CHIC1: variants seen among roughly 807,000 people sequenced by gnomAD.
The protein encoded by CHIC1 is cysteine-rich hydrophobic domain-containing protein 1.
A neutral mutation model predicts 18.5 loss-of-function variants in CHIC1; 7 were observed. The observed-to-expected ratio is 0.38, with a 90% CI of 0.22 to 0.71. The LOEUF is 0.71. CHIC1 is among the 30% of genes least tolerant of loss of function. CHIC1 has a pLI of 0.49. For synonymous variants in CHIC1, 77 were observed against 73.5 expected, an observed-to-expected ratio of 1.05 and a Z score of -0.25; for missense variants, 159 against 176.9, an observed-to-expected ratio of 0.90 and a Z score of 0.57.
At chrX:73,630,408 G>A (rs921372005) in intron 3 of CHIC1, among the ~76,000 whole-genome samples, 1 of 110,864 alleles carries the variant, frequency 9.0e-6, no homozygotes, top group African/African-American at 3.3e-5. Context: ...ATTATATTGA[G>A]TATATTTTTA....
chrX:73,655,524 GTGTATATATATATACATATATA>G (rs1569504770), intron 3 of CHIC1, among the ~76,000 whole-genome samples: 3 of 74,683 alleles, frequency 4.0e-5, no homozygotes, highest in Non-Finnish European at 7.3e-5. Context: ...ACACAATATT[GTGTATATATATATACATATATA>G]TACAATATTG....
intron 3 of CHIC1, among the ~76,000 whole-genome samples, chrX:73,658,267 T>TG (rs1339918504): frequency 7.8e-5 from 7 of 90,066 alleles, no homozygotes; most frequent in Non-Finnish European, 1.3e-4. Flanking sequence ...TTTTTTTTTT[T>TG]TTTTTTTTTT....
At chrX:73,614,769 A>G (rs937325701) in intron 3 of CHIC1, among the ~76,000 whole-genome samples, 24 of 110,473 alleles carry the variant, frequency 2.2e-4, no homozygotes, top group Non-Finnish European at 4.2e-4. Context: ...CGGATACCCA[A>G]TTGTTTTTCT....
intron 3 of CHIC1, among the ~76,000 whole-genome samples, chrX:73,647,247 G>A: frequency 8.9e-6 from 1 of 112,109 alleles, no homozygotes; most frequent in Non-Finnish European, 1.9e-5. Flanking sequence ...GAGCCATGCA[G>A]ATTCTCAACA....
intron 3 of CHIC1, among the ~76,000 whole-genome samples, chrX:73,674,956 A>C (rs1163713651): frequency 1.8e-5 from 2 of 111,843 alleles, no homozygotes; most frequent in East Asian, 5.6e-4. Context: ...CTTGGTTTCA[A>C]AGAACATCTT....
intron 3 of CHIC1, among the ~76,000 whole-genome samples, chrX:73,614,838 C>G (rs1050311934): frequency 1.8e-5 from 2 of 110,043 alleles, no homozygotes; most frequent in Non-Finnish European, 3.8e-5. Context: ...TTTTATATCA[C>G]TGTTTTAAAT....
At chrX:73,612,350 G>T (rs2057713204) in intron 3 of CHIC1, among the ~76,000 whole-genome samples, 1 of 110,948 alleles carries the variant, frequency 9.0e-6, no homozygotes, top group South Asian at 3.8e-4. Context: ...TTAATTTTGT[G>T]TTTGGTTTAT....
rs1361802431 is a variant in CHIC1 at position 73,664,525 on chromosome X, A to T, written c.508-14801A>T. Among the ~76,000 whole-genome samples the T allele has an allele frequency of 2.7e-5, 3 of 111,049 alleles. No homozygotes were observed. In the Admixed American group the frequency reaches 2.9e-4, roughly 11 times the overall value. ...GCTGGCAGTTGATGTTAGCATTTTC[A>T]TAAGCCAGTTGCAACAATAAGATAC... On this transcript the variant is annotated intron_variant, in intron 3 of 5. Coordinates refer to ENST00000373502, the MANE Select transcript of CHIC1 (RefSeq NM_001039840.4).
At position 73,641,739 on chromosome X, in the gene CHIC1, G is replaced by T. The variant is rs183645475; in HGVS notation, c.508-37587G>T. Among the ~76,000 whole-genome samples, 341 of 108,352 alleles carry T rather than the reference G, an allele frequency of 3.1e-3. 2 individuals are homozygous for T. Among genetic ancestry groups the T allele is most frequent in the African/African-American group, 0.011 (331 of 29,193 alleles). 94.1% of individuals were successfully genotyped at this position (108,352 alleles called of 115,157 possible). A position where few individuals can be genotyped will look rare whatever the true frequency, so the allele number is the denominator to read the frequency against. On this transcript the variant is annotated intron_variant, in intron 3 of 5. Transcript: ENST00000373502. The stretch of plus-strand genomic sequence containing the variant: ...TGTGTCCATGTGTTCTCATTGTTCA[G>T]TTCCCACCTGTGAGTGAGAATATGT...
At chrX:73,603,326 C>T (rs1325831846) in intron 3 of CHIC1, among the ~76,000 whole-genome samples, 1 of 108,139 alleles carries the variant, frequency 9.2e-6, no homozygotes, top group African/African-American at 3.6e-5. Context: ...TATAGGAATG[C>T]TTGTGATTTT....
intron 3 of CHIC1, among the ~76,000 whole-genome samples, chrX:73,585,621 A>G (rs769114760): frequency 9.0e-6 from 1 of 111,552 alleles, no homozygotes; most frequent in East Asian, 2.8e-4. Flanking sequence ...CATCCCTATT[A>G]TTTTAAAAGC....
chrX:73,674,697 T>C (rs1438179992), intron 3 of CHIC1, among the ~76,000 whole-genome samples: 1 of 111,960 alleles, frequency 8.9e-6, no homozygotes, highest in Non-Finnish European at 1.9e-5. Flanking sequence ...CCTGGATTCA[T>C]TGATTTTTTT....
chrX:73,653,078 A>G (rs1338111572), intron 3 of CHIC1, among the ~76,000 whole-genome samples: 5 of 111,875 alleles, frequency 4.5e-5, no homozygotes, highest in African/African-American at 1.6e-4. Context: ...TTGCAGGGAC[A>G]TGGATAAAGC....
intron 3 of CHIC1, among the ~76,000 whole-genome samples, chrX:73,615,933 C>T (rs945021312): frequency 1.8e-5 from 2 of 110,990 alleles, no homozygotes; most frequent in African/African-American, 6.6e-5. Context: ...GAGGCAGCTA[C>T]GTGGTGGGTT....
In CHIC1 at chrX:73,563,228, A is replaced by C; in HGVS notation, c.-57A>C. ...ATTTCGTTCCCCCTCCTCTTGCAGC[A>C]CCTCGGCAGGTTCAAACTCTTCTCC... On this transcript the variant is annotated 5_prime_UTR_variant, in exon 1 of 6. Coordinates refer to ENST00000373502, the MANE Select transcript of CHIC1 (RefSeq NM_001039840.4). 9.6e-7 allele frequency: 1 copy of C among 1,037,459 alleles called. No individual in the cohort carries two copies. The highest frequency in any genetic ancestry group is 2.0e-5 in the African/African-American group (1 of 50,144). 85.5% of individuals were successfully genotyped at this position (1,037,459 alleles called of 1,213,427 possible).
At chrX:73,604,735 T>C (rs979137457) in intron 3 of CHIC1, among the ~76,000 whole-genome samples, 1 of 109,263 alleles carries the variant, frequency 9.2e-6, no homozygotes, top group East Asian at 2.8e-4. Context: ...AAAGAACTTA[T>C]GTATTTCTGC....
At chrX:73,627,722 A>C in intron 3 of CHIC1, among the ~76,000 whole-genome samples, 1 of 111,402 alleles carries the variant, frequency 9.0e-6, no homozygotes, top group Middle Eastern at 4.6e-3. Context: ...CCTCTGGCCC[A>C]TGGTAGGTTG....
At chrX:73,632,873 A>G (rs1298332130) in intron 3 of CHIC1, among the ~76,000 whole-genome samples, 2 of 99,247 alleles carry the variant, frequency 2.0e-5, no homozygotes, top group Non-Finnish European at 3.9e-5. Flanking sequence ...GGTTCATGCC[A>G]TTCTCCTGCC....
intron 3 of CHIC1, 21 bp downstream of exon 3, chrX:73,584,593 A>G (rs1460440003): frequency 1.0e-6 from 1 of 993,286 alleles, no homozygotes; most frequent in East Asian, 3.5e-5. Flanking sequence ...GTTTTATTGT[A>G]TAATAATAAT....
Sources: allele counts gnomAD v4.1 joint callset (sites outside exome capture counted in the v4.1 genomes callset), GRCh38; gene constraint gnomAD v4.1.1; transcripts MANE v1.5; gene names NCBI Gene and HGNC (gene_info 2026-07-23, HGNC 2026-07-21).